SNX10: variants seen among roughly 807,000 people sequenced by gnomAD.
The protein encoded by SNX10 is sorting nexin 10.
SNX10 carries 25 observed loss-of-function variants against 28.5 expected under a neutral mutation model. That is an observed-to-expected ratio of 0.88 (90% CI 0.64 to 1.22). The LOEUF (loss-of-function observed/expected upper bound fraction) is 1.22. Among genes scored for constraint, SNX10 ranks in the 50% most tolerant of loss-of-function variants. The pLI, the probability that SNX10 is intolerant of heterozygous loss-of-function variation, is 0.00. For missense variants in SNX10, 223 were observed against 242.6 expected (o/e 0.92, Z 0.54); for synonymous variants, 62 against 81.4 (o/e 0.76, Z 1.28).
At chr7:26,372,283 C>G in intron 6 of SNX10, 1 of 593,540 alleles carries the variant, frequency 1.7e-6, no homozygotes, top group Non-Finnish European at 3.0e-6. Context: ...ATGTGACTTT[C>G]ATTTAGTCAG....
At chr7:26,347,124 C>T (rs1200514932) in intron 2 of SNX10, among the ~76,000 whole-genome samples, 1 of 60,828 alleles carries the variant, frequency 1.6e-5, no homozygotes, top group Non-Finnish European at 3.1e-5. Context: ...TGCACACACA[C>T]GTGCACACAC....
At position 26,318,608 on chromosome 7, in the gene SNX10, T is replaced by C. The variant is rs114423888; in HGVS notation, c.-24+26522T>C. On this transcript the variant is annotated intron_variant, in intron 1 of 6. Transcript: ENST00000338523. ...TTAGCCTCCCGGGTAGCTGGGATTA[T>C]AGGTGCCTGCCGAAAAAAATGCTTC... Among the ~76,000 whole-genome samples the C allele has an allele frequency of 9.8e-3, 1,486 of 152,190 alleles. 19 individuals carry two copies. Among genetic ancestry groups the C allele is most frequent in the African/African-American group, 0.034 (1,406 of 41,536 alleles).
At chr7:26,319,333 ACTT>A (rs1271887707) in intron 1 of SNX10, among the ~76,000 whole-genome samples, 2 of 152,224 alleles carry the variant, frequency 1.3e-5, no homozygotes, top group Admixed American at 6.5e-5. Flanking sequence ...TAGCATTTTT[ACTT>A]CTTCCTCATT....
chr7:26,324,215 A>G (rs1787410780), intron 1 of SNX10, among the ~76,000 whole-genome samples: 1 of 152,170 alleles, frequency 6.6e-6, no homozygotes, highest in African/African-American at 2.4e-5. Flanking sequence ...AAGAAGAGAA[A>G]ATGTAGGCTT....
At chr7:26,309,871 A>G (rs954309400) in intron 1 of SNX10, among the ~76,000 whole-genome samples, 1 of 152,120 alleles carries the variant, frequency 6.6e-6, no homozygotes, top group African/African-American at 2.4e-5. Context: ...CCTTATTTGC[A>G]AAATTGAAGT....
intron 1 of SNX10, among the ~76,000 whole-genome samples, chr7:26,301,820 AT>A (rs547220364): frequency 3.4e-4 from 52 of 151,192 alleles, no homozygotes; most frequent in Middle Eastern, 3.4e-3. Context: ...TCCCATACCC[AT>A]TTTTTTTTCC....
At chr7:26,368,073 T>A (rs1361721886) in intron 5 of SNX10, among the ~76,000 whole-genome samples, 1 of 152,172 alleles carries the variant, frequency 6.6e-6, no homozygotes, top group Non-Finnish European at 1.5e-5. Flanking sequence ...AATTGGAAAA[T>A]TGTTTCTTTG....
intron 1 of SNX10, among the ~76,000 whole-genome samples, chr7:26,307,090 G>A (rs935153012): frequency 2.6e-5 from 4 of 152,186 alleles, no homozygotes; most frequent in Non-Finnish European, 4.4e-5. Flanking sequence ...GCACCGTGAA[G>A]GAAAGAGGGT....
At chr7:26,360,846 A>G in intron 2 of SNX10, 129 bp from the exon 3 acceptor site, 1 of 1,471,752 alleles carries the variant, frequency 6.8e-7, no homozygotes, top group Non-Finnish European at 8.9e-7. Context: ...CTTGTTTTTT[A>G]AAGGATTACA....
intron 2 of SNX10, among the ~76,000 whole-genome samples, chr7:26,358,996 G>A (rs1217662970): frequency 6.6e-6 from 1 of 151,562 alleles, no homozygotes; most frequent in Non-Finnish European, 1.5e-5. Flanking sequence ...AGTAGAGATG[G>A]GGTTTCACTA....
At position 26,360,970 on chromosome 7, in the gene SNX10, T is replaced by C. The variant is rs184384013; in HGVS notation, c.25-5T>C. The C allele has an allele frequency of 2.0e-3, 3,190 of 1,613,046 alleles. 13 individuals carry two copies. The highest frequency in any genetic ancestry group is 1.8e-3 in the Non-Finnish European group (2,176 of 1,179,744). ...AATATTTCTTTGTTTATGATGCCATTACAGGAATTTGTAAGTGTCTGGGTT... is the reference window on the plus strand; with the variant it reads ...AATATTTCTTTGTTTATGATGCCATCACAGGAATTTGTAAGTGTCTGGGTT... On this transcript the variant is annotated splice_polypyrimidine_tract_variant and splice_region_variant and intron_variant, in intron 2 of 6. Transcript: ENST00000338523.
At chr7:26,338,801 T>G (rs1366966350) in intron 1 of SNX10, among the ~76,000 whole-genome samples, 2 of 152,094 alleles carry the variant, frequency 1.3e-5, no homozygotes, top group Non-Finnish European at 2.9e-5. Flanking sequence ...GGGGTCAAAA[T>G]GAGGTTTTCT....
At chr7:26,355,219 A>C (rs564991251) in intron 2 of SNX10, among the ~76,000 whole-genome samples, 2 of 151,962 alleles carry the variant, frequency 1.3e-5, no homozygotes, top group African/African-American at 2.4e-5. Flanking sequence ...CTAGGACTCC[A>C]TTGTCTTGCT....
chr7:26,365,006 G>A, intron 4 of SNX10, 41 bp from the exon 5 acceptor site: 1 of 1,242,812 alleles, frequency 8.0e-7, no homozygotes. Flanking sequence ...GAAGCACCTT[G>A]AGTTAATCAT....
chr7:26,336,225 TCTTAAA>T (rs1787941887), intron 1 of SNX10, among the ~76,000 whole-genome samples: 1 of 152,210 alleles, frequency 6.6e-6, no homozygotes, highest in Non-Finnish European at 1.5e-5. Context: ...CATGTTTTGT[TCTTAAA>T]CTTTAACAAA....
intron 1 of SNX10, among the ~76,000 whole-genome samples, chr7:26,330,450 G>C (rs1355152483): frequency 2.6e-5 from 4 of 152,134 alleles, no homozygotes; most frequent in Non-Finnish European, 5.9e-5. Context: ...GCCGGTACTT[G>C]GGAGAGTTAC....
intron 1 of SNX10, among the ~76,000 whole-genome samples, chr7:26,331,174 A>C (rs2128004712): frequency 6.6e-6 from 1 of 151,948 alleles, no homozygotes; most frequent in East Asian, 1.9e-4. Context: ...AACTAAAAAA[A>C]AAAAAAAAGT....
chr7:26,365,061 T>C lies in SNX10; in HGVS notation c.227T>C (p.Leu76Pro). 1 of 1,607,382 alleles carries C rather than the reference T, an allele frequency of 6.2e-7. No homozygotes were observed. The highest frequency in any genetic ancestry group is 8.5e-7 in the Non-Finnish European group (1 of 1,173,956). ...TTTCTCCTAAGACAACTGCCAGAAC[T>C]TCCATCTAAAAACCTGTTTTTCAAC... Reference protein sequence around the residue: ...SNALLVQLPELPSKNLFFNMN... With the variant: ...SNALLVQLPEPPSKNLFFNMN... Residue 76 changes from leucine to proline, a missense_variant, in exon 5 of 7, where the codon CTT becomes CCT. Transcript: ENST00000338523.
chr7:26,299,619 C>G (rs1026695343), intron 1 of SNX10, among the ~76,000 whole-genome samples: 1 of 151,608 alleles, frequency 6.6e-6, no homozygotes, highest in Non-Finnish European at 1.5e-5. Context: ...TTAGTAGAGA[C>G]AGGGTTTCAC....
Sources: gnomAD v4.1 joint callset for allele counts (sites outside exome capture counted in the v4.1 genomes callset) on GRCh38, gnomAD v4.1.1 for gene constraint, MANE v1.5 for transcripts, NCBI Gene and HGNC (gene_info 2026-07-23, HGNC 2026-07-21) for gene names.